The following TAB2 variants were observed in gnomAD, a reference collection of about 807,000 sequenced individuals.
The protein encoded by TAB2 is TGF-beta-activated kinase 1 and MAP3K7-binding protein 2.
TAB2 carries 3 observed loss-of-function variants against 65.0 expected under a neutral mutation model. The observed-to-expected ratio is 0.05, with a 90% CI of 0.02 to 0.12. The LOEUF (loss-of-function observed/expected upper bound fraction) is 0.12. Among genes scored for constraint, TAB2 ranks in the 10% least tolerant of loss-of-function variants. The pLI is 1.00. For synonymous variants in TAB2, 298 were observed against 285.1 expected, an observed-to-expected ratio of 1.05 and a Z score of -0.46; for missense variants, 623 against 840.3, an observed-to-expected ratio of 0.74 and a Z score of 3.20.
rs561551568 is a variant in TAB2, at chr6:149,255,657, T to C, written c.-121+36881T>C. 5.3e-5 allele frequency among the ~76,000 whole-genome samples: 8 copies of C among 152,284 alleles called. No homozygotes were observed. In the South Asian group the frequency reaches 1.7e-3, roughly 32 times the overall value. On this transcript the variant is annotated intron_variant, in intron 1 of 1. Transcript: ENST00000606202. ...TTGATAAATCTAATAAATCTGGAAG[T>C]GTTTGTATTCTAGATTGATTAGCTA...
chr6:149,293,815 A>G (rs1302833333), intron 1 of TAB2, among the ~76,000 whole-genome samples: 1 of 152,238 alleles, frequency 6.6e-6, no homozygotes, highest in African/African-American at 2.4e-5. Context: ...GAAAAGAACC[A>G]TCATAGAAGC....
chr6:149,382,621 G>C (rs1438506053), intron 3 of TAB2, among the ~76,000 whole-genome samples: 3 of 151,956 alleles, frequency 2.0e-5, no homozygotes, highest in Non-Finnish European at 4.4e-5. Flanking sequence ...TTCTAACTAG[G>C]AAGTTAGAGA....
At chr6:149,237,812 C>T (rs1209511964) in intron 1 of TAB2, among the ~76,000 whole-genome samples, 1 of 152,184 alleles carries the variant, frequency 6.6e-6, no homozygotes, top group Non-Finnish European at 1.5e-5. Flanking sequence ...GATGCCTGTT[C>T]CCAGCAGGCT....
intron 1 of TAB2, among the ~76,000 whole-genome samples, chr6:149,259,481 C>T (rs867957321): frequency 6.6e-6 from 1 of 152,144 alleles, no homozygotes. Context: ...TGTCCCAACT[C>T]TTCTGTCAGA....
intron 1 of TAB2, among the ~76,000 whole-genome samples, chr6:149,347,450 CAT>C (rs200530982): frequency 0.016 from 2,393 of 152,216 alleles, 50 homozygotes; most frequent in South Asian, 0.097. Context: ...TTTTTAGTAA[CAT>C]AATCATTTGC....
At chr6:149,261,635 C>T (rs933802695) in intron 1 of TAB2, among the ~76,000 whole-genome samples, 4 of 152,070 alleles carry the variant, frequency 2.6e-5, no homozygotes, top group African/African-American at 9.7e-5. Flanking sequence ...GTTAAAGCTC[C>T]AAATTATATT....
chr6:149,386,089 A>G (rs1294530110), intron 3 of TAB2, among the ~76,000 whole-genome samples: 1 of 152,180 alleles, frequency 6.6e-6, no homozygotes, highest in Non-Finnish European at 1.5e-5. Flanking sequence ...GTGTGTGTAT[A>G]TATGTGTATA....
upstream of TAB2, among the ~76,000 whole-genome samples, chr6:149,313,660 TTCTTC>T (rs1167813470): frequency 2.0e-5 from 3 of 152,316 alleles, no homozygotes; most frequent in East Asian, 5.8e-4. Context: ...CTCCCATAAC[TTCTTC>T]TCTTCTCTTG....
At chr6:149,323,390 T>G (rs1273409186) in intron 1 of TAB2, among the ~76,000 whole-genome samples, 1 of 152,092 alleles carries the variant, frequency 6.6e-6, no homozygotes, top group Admixed American at 6.5e-5. Flanking sequence ...AGAAGAAAAT[T>G]TATGAATAAT....
chr6:149,390,293 GACAAAAA>G (rs1312631181), intron 3 of TAB2, among the ~76,000 whole-genome samples: 1 of 151,992 alleles, frequency 6.6e-6, no homozygotes, highest in Non-Finnish European at 1.5e-5. Flanking sequence ...TGTCATTACA[GACAAAAA>G]ACAAAAAGAT....
chr6:149,291,922 A>G (rs1778786199), intron 1 of TAB2, among the ~76,000 whole-genome samples: 2 of 152,214 alleles, frequency 1.3e-5, no homozygotes, highest in South Asian at 4.1e-4. Flanking sequence ...TAGGAGAATG[A>G]GTACTAATCA....
intron 3 of TAB2, chr6:149,379,907 T>C (rs1261096602): frequency 2.2e-6 from 1 of 455,976 alleles, no homozygotes; most frequent in Non-Finnish European, 4.4e-6. Flanking sequence ...TCTTGACTAA[T>C]ATGGTAAATT....
At chr6:149,403,347 C>CATATAT (rs1453648247) in intron 6 of TAB2, among the ~76,000 whole-genome samples, 1 of 29,778 alleles carries the variant, frequency 3.4e-5, no homozygotes, top group African/African-American at 2.1e-4. Context: ...TATACACACA[C>CATATAT]ACACACACAC....
chr6:149,287,949 AAAACGTG>A (rs780398852), intron 1 of TAB2, among the ~76,000 whole-genome samples: 2 of 152,244 alleles, frequency 1.3e-5, no homozygotes, highest in Non-Finnish European at 2.9e-5. Flanking sequence ...TGCACTCCTA[AAAACGTG>A]AAATGTTTAA....
chr6:149,337,030 G>A (rs1369102393), intron 1 of TAB2, among the ~76,000 whole-genome samples: 1 of 151,906 alleles, frequency 6.6e-6, no homozygotes, highest in African/African-American at 2.4e-5. Context: ...TTAGCAGTAC[G>A]TATATCTTTT....
chr6:149,336,091 G>A (rs564961), intron 1 of TAB2, among the ~76,000 whole-genome samples: 55,498 of 151,902 alleles, frequency 0.37, 10,398 homozygotes, highest in East Asian at 0.6. Context: ...TTCTAGTCCA[G>A]GGCCTGGCAC....
chr6:149,246,471 G>A (rs898230415), intron 1 of TAB2: 2 of 152,134 alleles, frequency 1.3e-5, no homozygotes, highest in Non-Finnish European at 2.9e-5. Context: ...TTCTAAAACC[G>A]CTAATCAGAA....
At chr6:149,249,622 C>A (rs762228417) in intron 1 of TAB2, among the ~76,000 whole-genome samples, 4 of 151,788 alleles carry the variant, frequency 2.6e-5, no homozygotes, top group African/African-American at 9.7e-5. Context: ...ATGTCTCTGT[C>A]TGTGTGTGTC....
chr6:149,234,555 C>G (rs753542177), intron 1 of TAB2, among the ~76,000 whole-genome samples: 4 of 152,204 alleles, frequency 2.6e-5, no homozygotes, highest in Non-Finnish European at 5.9e-5. Flanking sequence ...TCAACCTCCC[C>G]ATTTCACAGT....
Sources: gnomAD v4.1 joint callset for allele counts (sites outside exome capture counted in the v4.1 genomes callset) on GRCh38, gnomAD v4.1.1 for gene constraint, MANE v1.5 for transcripts, NCBI Gene and HGNC (gene_info 2026-07-23, HGNC 2026-07-21) for gene names.